The following SHROOM3 variants were observed in gnomAD, a reference collection of about 807,000 sequenced individuals.
SHROOM3 encodes shroom family member 3.
A neutral mutation model predicts 138.6 loss-of-function variants in SHROOM3; 47 were observed. The ratio of observed to expected loss-of-function variants is 0.34; its 90% CI spans 0.27 to 0.43. The LOEUF (loss-of-function observed/expected upper bound fraction) is 0.43, where lower values mean the gene tolerates loss of function less well. Ranked by LOEUF, SHROOM3 falls within the 20% of genes least tolerant of loss-of-function variation. The probability of loss-of-function intolerance (pLI) is 1.00; values close to 1 mark genes in which losing one functional copy is unlikely to be tolerated. For synonymous variants in SHROOM3, 1,062 were observed against 1,063.3 expected (o/e 1.00, Z 0.02); for missense variants, 2,491 against 2,596.5 (o/e 0.96, Z 0.88).
In SHROOM3 at chr4:76,633,372, G is replaced by T. The variant is rs372492514; in HGVS notation, c.324-76784G>T. 6.3e-5 allele frequency among the ~76,000 whole-genome samples: 9 copies of T among 142,986 alleles called. No homozygotes were observed. The East Asian group carries it at 1.7e-3, about 26-fold the overall frequency. The allele number at this position is 142,986 out of a possible 152,430, so 93.8% of individuals were successfully genotyped here. The stretch of plus-strand genomic sequence containing the variant: ...AAAAAAAGAAAAAGAAAAAGGAAAA[G>T]AAATCTTGTTAACTGGCCGGGCGTG... On this transcript the variant is annotated intron_variant, in intron 2 of 10. Coordinates refer to ENST00000296043, the MANE Select transcript of SHROOM3 (RefSeq NM_020859.4).
chr4:76,574,635 T>C (rs906414892), intron 2 of SHROOM3, among the ~76,000 whole-genome samples: 9 of 152,176 alleles, frequency 5.9e-5, no homozygotes, highest in African/African-American at 1.7e-4. Context: ...AAGAAATGTA[T>C]AGCCTTAAAA....
intron 1 of SHROOM3, among the ~76,000 whole-genome samples, chr4:76,470,814 G>A (rs1177929515): frequency 6.6e-6 from 1 of 152,078 alleles, no homozygotes; most frequent in Non-Finnish European, 1.5e-5. Flanking sequence ...AGCCAACCAT[G>A]GGCAATTTAG....
At chr4:76,659,950 G>C (rs1351788487) in intron 2 of SHROOM3, among the ~76,000 whole-genome samples, 1 of 152,144 alleles carries the variant, frequency 6.6e-6, no homozygotes, top group African/African-American at 2.4e-5. Flanking sequence ...TCTAAAACAT[G>C]CATATGCTGA....
intron 2 of SHROOM3, among the ~76,000 whole-genome samples, chr4:76,584,195 G>A (rs1314840920): frequency 6.6e-6 from 1 of 152,056 alleles, no homozygotes; most frequent in Non-Finnish European, 1.5e-5. Context: ...GCACATGCCT[G>A]TAATCCCAGC....
intron 2 of SHROOM3, among the ~76,000 whole-genome samples, chr4:76,584,029 T>C (rs1228239673): frequency 1.3e-5 from 2 of 152,208 alleles, no homozygotes; most frequent in Non-Finnish European, 2.9e-5. Flanking sequence ...AAGAGTGACA[T>C]AGAGGCTGGG....
chr4:76,594,364 G>A (rs1445540907), intron 2 of SHROOM3, among the ~76,000 whole-genome samples: 1 of 152,196 alleles, frequency 6.6e-6, no homozygotes, highest in African/African-American at 2.4e-5. Context: ...AGCGCCTGGT[G>A]CATGCAGATA....
intron 2 of SHROOM3, among the ~76,000 whole-genome samples, chr4:76,667,329 C>T (rs1464870649): frequency 1.3e-5 from 2 of 151,860 alleles, no homozygotes; most frequent in African/African-American, 4.8e-5. Context: ...TGTTTTGTTT[C>T]GTTTTTTTTA....
intron 2 of SHROOM3, among the ~76,000 whole-genome samples, chr4:76,605,472 G>A (rs1451664749): frequency 6.6e-6 from 1 of 152,088 alleles, no homozygotes; most frequent in African/African-American, 2.4e-5. Context: ...ATCCCATTTT[G>A]TATCCCCTTA....
chr4:76,688,306 C>T, intron 2 of SHROOM3: 1 of 794,580 alleles, frequency 1.3e-6, no homozygotes, highest in Non-Finnish European at 1.5e-6. Context: ...GAGGTTTATT[C>T]AGTGGTTGCC....
intron 1 of SHROOM3, among the ~76,000 whole-genome samples, chr4:76,473,981 C>T (rs1731431955): frequency 6.6e-6 from 1 of 152,010 alleles, no homozygotes. Context: ...AAAATTAAAA[C>T]ATAAGTCCAC....
chr4:76,750,798 T>C (rs1336356146), intron 6 of SHROOM3, among the ~76,000 whole-genome samples: 1 of 151,542 alleles, frequency 6.6e-6, no homozygotes, highest in Non-Finnish European at 1.5e-5. Context: ...CTCAACAAAA[T>C]TAGTTCTGTG....
chr4:76,651,808 A>G (rs1446194162), intron 2 of SHROOM3, among the ~76,000 whole-genome samples: 1 of 152,194 alleles, frequency 6.6e-6, no homozygotes. Context: ...CAATCGGGAA[A>G]TTCTTTGTCA....
chr4:76,704,067 G>A (rs1471005724), intron 2 of SHROOM3, among the ~76,000 whole-genome samples: 1 of 152,182 alleles, frequency 6.6e-6, no homozygotes, highest in Non-Finnish European at 1.5e-5. Flanking sequence ...TCAACTCAGA[G>A]CCTGATCTAG....
Position 76,739,347 on chromosome 4 carries a change from T to TA in SHROOM3, c.1175dup (p.Tyr392Ter). ...APLPPARSDSYAAFRHRERPS... is the reference protein window; with the variant it reads ...APLPPARSDS ...CCTGCCTCCAGCTCGGAGTGACAGT[T>TA]ACGCAGCATTTCGGCACCGTGAGCG... The change falls in exon 5 of 11, where the codon TAC becomes TAAC. Residue 392 changes from tyrosine to a stop codon, truncating the protein, a stop_gained and frameshift_variant. Coordinates refer to ENST00000296043, the MANE Select transcript of SHROOM3 (RefSeq NM_020859.4). LOFTEE classifies it high-confidence loss of function. The TA allele has an allele frequency of 6.2e-7, 1 of 1,614,084 alleles. No individual in the cohort carries two copies. Among genetic ancestry groups the TA allele is most frequent in the Non-Finnish European group, 8.5e-7 (1 of 1,180,028 alleles).
rs1735954802 is a variant in SHROOM3, at chr4:76,651,397, CATAAATATATATATATATATATATAT to C, written c.324-58755_324-58730del. On this transcript the variant is annotated intron_variant, in intron 2 of 10. Coordinates refer to ENST00000296043, the MANE Select transcript of SHROOM3 (RefSeq NM_020859.4). ...CTGTATTAACACATCTCATGTAACC[CATAAATATATATATATATATATATAT>C]ATATATATATATATATATATATACC... Among the ~76,000 whole-genome samples, 3 of 71,402 alleles carry C rather than the reference CATAAATATATATATATATATATATAT, an allele frequency of 4.2e-5. No individual in the cohort carries two copies. In the South Asian group the frequency reaches 1.3e-3, roughly 32 times the overall value. 46.8% of individuals were successfully genotyped at this position (71,402 alleles called of 152,430 possible).
chr4:76,442,488 T>C (rs1730714929), intron 1 of SHROOM3, among the ~76,000 whole-genome samples: 1 of 148,768 alleles, frequency 6.7e-6, no homozygotes, highest in South Asian at 2.1e-4. Flanking sequence ...CGGGTCACTG[T>C]AAGCTCCACC....
At chr4:76,575,351 G>A (rs1733917060) in intron 2 of SHROOM3, among the ~76,000 whole-genome samples, 1 of 152,166 alleles carries the variant, frequency 6.6e-6, no homozygotes, top group Admixed American at 6.5e-5. Context: ...GGAAGTCCTA[G>A]CTAGAGCAAT....
intron 1 of SHROOM3, among the ~76,000 whole-genome samples, chr4:76,534,270 T>G (rs914944348): frequency 9.2e-5 from 14 of 152,236 alleles, no homozygotes; most frequent in Admixed American, 5.9e-4. Flanking sequence ...AAGATTAAAC[T>G]CTCATAAAAC....
At chr4:76,738,357 C>T (rs560452906) in intron 4 of SHROOM3, among the ~76,000 whole-genome samples, 35 of 152,310 alleles carry the variant, frequency 2.3e-4, no homozygotes, top group Middle Eastern at 3.4e-3. Context: ...TTAACTTTTT[C>T]CCCTCTTCCC....
Sources: allele counts gnomAD v4.1 joint callset (sites outside exome capture counted in the v4.1 genomes callset), GRCh38; gene constraint gnomAD v4.1.1; transcripts MANE v1.5; gene names NCBI Gene and HGNC (gene_info 2026-07-23, HGNC 2026-07-21).